Variants in JAZF1 observed in about 807,000 individuals in gnomAD.
JAZF1 encodes the protein JAZF zinc finger 1, also known as juxtaposed with another zinc finger protein 1.
JAZF1 carries 8 observed loss-of-function variants against 26.4 expected under a neutral mutation model. That is an observed-to-expected ratio of 0.30 (90% confidence interval 0.18 to 0.55). JAZF1 has a LOEUF of 0.55. JAZF1 is among the 20% of genes least tolerant of loss of function. The probability of loss-of-function intolerance (pLI) is 0.94; values close to 1 mark genes in which losing one functional copy is unlikely to be tolerated. For missense variants in JAZF1, 199 were observed against 322.0 expected, an observed-to-expected ratio of 0.62 and a Z score of 2.92; for synonymous variants, 126 against 122.3, an observed-to-expected ratio of 1.03 and a Z score of -0.20.
chr7:27,902,738 T>C (rs62451117), intron 2 of JAZF1, among the ~76,000 whole-genome samples: 28,165 of 152,150 alleles, frequency 0.19, 3,328 homozygotes, highest in East Asian at 0.47. Context: ...ATTAACATGC[T>C]GGGCACGGTG....
chr7:28,103,446 A>T (rs1784504771), intron 1 of JAZF1, among the ~76,000 whole-genome samples: 1 of 151,994 alleles, frequency 6.6e-6, no homozygotes. Flanking sequence ...GCAGAGCAAG[A>T]TCCATCTCTA....
chr7:28,107,640 C>CA (rs1430143676), intron 1 of JAZF1, among the ~76,000 whole-genome samples: 3 of 152,158 alleles, frequency 2.0e-5, no homozygotes, highest in Non-Finnish European at 4.4e-5. Flanking sequence ...TGAACGTAGT[C>CA]AACCCAAGGC....
chr7:28,094,244 CGTT>C (rs1455171305), intron 1 of JAZF1, among the ~76,000 whole-genome samples: 1 of 152,158 alleles, frequency 6.6e-6, no homozygotes, highest in African/African-American at 2.4e-5. Context: ...AAAAGTAAAT[CGTT>C]GTCTGCCTCC....
rs1403283868 is a variant in JAZF1, at chr7:27,895,290, A to G, written c.315T>C (p.Ser105=). 2 of 1,609,410 alleles carry G rather than the reference A, an allele frequency of 1.2e-6. No individual in the cohort carries two copies. Among genetic ancestry groups the G allele is most frequent in the Admixed American group, 3.4e-5 (2 of 59,390 alleles). ...GNVSTPPRHS[S]GSLTPPVTPP... is the part of the protein sequence containing the mutation. ...GGGTCACGGGGGGAGTAAGGCTTCCACTGCTGTGGCGTGGGGGAGTGGACA... is the reference window on the plus strand; with the variant it reads ...GGGTCACGGGGGGAGTAAGGCTTCCGCTGCTGTGGCGTGGGGGAGTGGACA... The change falls in exon 3 of 5, where the codon AGT becomes AGC. Residue 105 remains serine, a synonymous_variant. Transcript: ENST00000283928.
chr7:27,931,821 G>A (rs1784693027), intron 2 of JAZF1, among the ~76,000 whole-genome samples: 1 of 152,072 alleles, frequency 6.6e-6, no homozygotes, highest in Non-Finnish European at 1.5e-5. Context: ...TTGAACCTGG[G>A]AGAACTGCTT....
At chr7:28,032,422 T>C (rs1268770502) in intron 1 of JAZF1, among the ~76,000 whole-genome samples, 1 of 152,204 alleles carries the variant, frequency 6.6e-6, no homozygotes, top group East Asian at 1.9e-4. Context: ...GATAAATACA[T>C]CTTATAGTTT....
intron 2 of JAZF1, among the ~76,000 whole-genome samples, chr7:27,931,822 A>G (rs1259891616): frequency 1.3e-5 from 2 of 152,138 alleles, no homozygotes; most frequent in African/African-American, 4.8e-5. Context: ...TGAACCTGGG[A>G]GAACTGCTTG....
At chr7:28,053,140 C>T (rs1281965746) in intron 1 of JAZF1, among the ~76,000 whole-genome samples, 1 of 152,178 alleles carries the variant, frequency 6.6e-6, no homozygotes, top group African/African-American at 2.4e-5. Context: ...CATACTGTAA[C>T]ATGTGATAGG....
intron 2 of JAZF1, among the ~76,000 whole-genome samples, chr7:27,904,401 G>T (rs897630019): frequency 2.6e-5 from 4 of 152,174 alleles, no homozygotes; most frequent in African/African-American, 9.7e-5. Context: ...TTAGTAAAAC[G>T]ACCTAGAAAC....
chr7:28,093,804 T>A (rs1161686571), intron 1 of JAZF1, among the ~76,000 whole-genome samples: 1 of 152,314 alleles, frequency 6.6e-6, no homozygotes, highest in Non-Finnish European at 1.5e-5. Context: ...CTGTCTCTTT[T>A]CAAATGCTGT....
At chr7:27,942,952 C>G (rs574698221) in intron 2 of JAZF1, among the ~76,000 whole-genome samples, 1 of 152,146 alleles carries the variant, frequency 6.6e-6, no homozygotes. Flanking sequence ...TGACCTCAAG[C>G]GTGATCAGCC....
At chr7:28,152,092 T>C (rs1783120015) in intron 1 of JAZF1, among the ~76,000 whole-genome samples, 3 of 152,234 alleles carry the variant, frequency 2.0e-5, no homozygotes, top group African/African-American at 7.2e-5. Flanking sequence ...TTTGACTTAA[T>C]TATGTCACTA....
intron 3 of JAZF1, among the ~76,000 whole-genome samples, chr7:27,886,577 A>G (rs1389906160): frequency 6.6e-6 from 1 of 152,250 alleles, no homozygotes; most frequent in East Asian, 1.9e-4. Flanking sequence ...GCATTGAAAC[A>G]GCGTAGAATG....
chr7:27,981,112 C>G (rs12671522), intron 2 of JAZF1, among the ~76,000 whole-genome samples: 35,354 of 152,090 alleles, frequency 0.23, 4,525 homozygotes, highest in East Asian at 0.49. Flanking sequence ...AAAAATCATT[C>G]GTAAACTTAC....
intron 2 of JAZF1, among the ~76,000 whole-genome samples, chr7:27,896,049 C>T (rs1784057991): frequency 6.6e-6 from 1 of 152,210 alleles, no homozygotes; most frequent in Non-Finnish European, 1.5e-5. Flanking sequence ...ACAGACAGAA[C>T]TGCATACATC....
chr7:27,853,504 T>C (rs1222404690), intron 3 of JAZF1, among the ~76,000 whole-genome samples: 5 of 152,190 alleles, frequency 3.3e-5, no homozygotes, highest in Non-Finnish European at 7.3e-5. Context: ...GTTCTTGCCT[T>C]GTGCCCTGAG....
In JAZF1 at chr7:27,840,554, G is replaced by A. The variant is rs557077117; in HGVS notation, c.555+144C>T. 124 of 835,748 alleles carry A rather than the reference G, an allele frequency of 1.5e-4. No individual in the cohort carries two copies. The highest frequency in any genetic ancestry group is 2.2e-4 in the Non-Finnish European group (118 of 524,858). The allele number at this position is 835,748 out of a possible 1,614,324, so 51.8% of individuals were successfully genotyped here. A position where few individuals can be genotyped will look rare whatever the true frequency, so the allele number is the denominator to read the frequency against. On this transcript the variant is annotated intron_variant, in intron 4 of 4. Transcript: ENST00000283928. This position sits in a 1 kb window ranked among gnomAD's most constrained non-coding sequence, Gnocchi z 5.1. ...AGGGCACCTGTGTGCACACAGGGGT[G>A]AGGCCCACGCACTCTAATGCAGGAG...
At chr7:28,038,216 T>C (rs1457373444) in intron 1 of JAZF1, among the ~76,000 whole-genome samples, 1 of 152,162 alleles carries the variant, frequency 6.6e-6, no homozygotes, top group Non-Finnish European at 1.5e-5. Flanking sequence ...AACATTAACA[T>C]ATTATATTAG....
At chr7:27,856,174 G>A (rs1459588857) in intron 3 of JAZF1, among the ~76,000 whole-genome samples, 1 of 152,208 alleles carries the variant, frequency 6.6e-6, no homozygotes, top group East Asian at 1.9e-4. Flanking sequence ...GTTTGGATGT[G>A]TTCAGAGTTT....
Sources: allele counts gnomAD v4.1 joint callset (sites outside exome capture counted in the v4.1 genomes callset), GRCh38; gene constraint gnomAD v4.1.1; non-coding constraint Gnocchi (gnomAD v3.1); transcripts MANE v1.5; gene names NCBI Gene and HGNC (gene_info 2026-07-23, HGNC 2026-07-21).